TBX15: variants seen among roughly 807,000 people sequenced by gnomAD.
TBX15 encodes the protein T-box transcription factor TBX15.
TBX15 carries 18 observed loss-of-function variants against 53.9 expected under a neutral mutation model. The observed-to-expected ratio is 0.33, with a 90% CI of 0.23 to 0.49. TBX15 has a LOEUF of 0.49. TBX15 is among the 20% of genes least tolerant of loss of function. The probability of loss-of-function intolerance (pLI) is 0.98; values close to 1 mark genes in which losing one functional copy is unlikely to be tolerated. For missense variants in TBX15, 692 were observed against 749.5 expected (o/e 0.92, Z 0.90); for synonymous variants, 295 against 278.0 (o/e 1.06, Z -0.61).
intron 1 of TBX15, among the ~76,000 whole-genome samples, chr1:118,958,779 C>A (rs1015883710): frequency 2.0e-5 from 3 of 152,054 alleles, no homozygotes; most frequent in Non-Finnish European, 4.4e-5. Context: ...CAATTCCTAC[C>A]AACTCTACCC....
intron 1 of TBX15, among the ~76,000 whole-genome samples, chr1:118,958,292 G>A (rs1656757747): frequency 6.6e-6 from 1 of 152,170 alleles, no homozygotes; most frequent in Admixed American, 6.5e-5. Flanking sequence ...AAATCAGGAA[G>A]AGAGCTCTCA....
intron 1 of TBX15, among the ~76,000 whole-genome samples, chr1:118,948,298 C>CT (rs1353960373): frequency 1.3e-5 from 2 of 152,064 alleles, no homozygotes; most frequent in Non-Finnish European, 2.9e-5. Flanking sequence ...GAGAGATTGG[C>CT]TCTATCACAT....
chr1:118,966,038 T>C (rs1383724659), intron 1 of TBX15, among the ~76,000 whole-genome samples: 1 of 152,192 alleles, frequency 6.6e-6, no homozygotes, highest in African/African-American at 2.4e-5. Context: ...TTGGGCTGTT[T>C]GGATTTTTTA....
intron 1 of TBX15, among the ~76,000 whole-genome samples, chr1:118,972,463 A>G (rs1657262376): frequency 6.6e-6 from 1 of 152,230 alleles, no homozygotes; most frequent in Non-Finnish European, 1.5e-5. Context: ...GACAGCAGCA[A>G]TAATGGCATG....
chr1:118,942,969 G>A (rs950284149), intron 1 of TBX15, among the ~76,000 whole-genome samples: 1 of 152,134 alleles, frequency 6.6e-6, no homozygotes, highest in Non-Finnish European at 1.5e-5. Context: ...GTGAAGTGGG[G>A]TTTCCAGAGT....
intron 6 of TBX15, among the ~76,000 whole-genome samples, chr1:118,909,550 TTTGTTGTTG>T (rs35781450): frequency 1.3e-5 from 2 of 151,960 alleles, no homozygotes; most frequent in African/African-American, 4.8e-5. Context: ...ATATCTCTGT[TTTGTTGTTG>T]TTGTTGTTGT....
intron 6 of TBX15, among the ~76,000 whole-genome samples, chr1:118,900,560 C>A (rs747449106): frequency 1.3e-5 from 2 of 151,554 alleles, no homozygotes; most frequent in Non-Finnish European, 3.0e-5. Context: ...TTTAAATACA[C>A]CAATGTTGGC....
At chr1:118,941,460 A>G (rs1300890135) in intron 1 of TBX15, among the ~76,000 whole-genome samples, 5 of 152,178 alleles carry the variant, frequency 3.3e-5, no homozygotes, top group African/African-American at 1.2e-4. Context: ...ATGCCCTTCA[A>G]ATGATCCCAG....
At chr1:118,908,906 C>T (rs567952540) in intron 6 of TBX15, among the ~76,000 whole-genome samples, 30 of 143,674 alleles carry the variant, frequency 2.1e-4, no homozygotes, top group South Asian at 4.5e-4. Context: ...CTTACACATA[C>T]GCACACTCAA....
intron 1 of TBX15, among the ~76,000 whole-genome samples, chr1:118,986,643 C>T (rs768761578): frequency 6.6e-6 from 1 of 152,188 alleles, no homozygotes; most frequent in Non-Finnish European, 1.5e-5. Context: ...GGCTTGTCAG[C>T]GTGTGAAGCG....
At chr1:118,962,042 T>C (rs1294498431) in intron 1 of TBX15, among the ~76,000 whole-genome samples, 1 of 152,236 alleles carries the variant, frequency 6.6e-6, no homozygotes, top group African/African-American at 2.4e-5. Flanking sequence ...AGGATTAACA[T>C]TTATATCATG....
chr1:118,980,674 GA>G (rs1323865204), intron 1 of TBX15, among the ~76,000 whole-genome samples: 1 of 152,180 alleles, frequency 6.6e-6, no homozygotes, highest in Non-Finnish European at 1.5e-5. Context: ...GGAAGAACAT[GA>G]AACCACTTTT....
At chr1:118,977,562 G>C (rs947058841) in intron 1 of TBX15, among the ~76,000 whole-genome samples, 1 of 152,164 alleles carries the variant, frequency 6.6e-6, no homozygotes, top group African/African-American at 2.4e-5. Context: ...GTCTGCACAG[G>C]GGCTGTGCAG....
rs181047240 is a variant in TBX15 at position 118,924,596 on chromosome 1, G to T, written c.693+50C>A. On this transcript the variant is annotated intron_variant, in intron 4 of 7. Transcript: ENST00000369429. Reference sequence around the variant, plus strand: ...AAGACTGGGGCTAGCCAGCTCTAAAGCAAACAGAGGAAGAGAGAAAGAAAG... The same window carrying T: ...AAGACTGGGGCTAGCCAGCTCTAAATCAAACAGAGGAAGAGAGAAAGAAAG... The T allele has an allele frequency of 4.3e-6, 7 of 1,610,580 alleles. No homozygotes were observed. The East Asian group carries it at 1.6e-4, about 36-fold the overall frequency.
At position 118,884,450 on chromosome 1, in the gene TBX15, A is replaced by C; in HGVS notation, c.*282T>G. ...TAACATTATGACGAAGTGATTATTC[A>C]GTCTCTTCAAAGGCCACTCTGGAAC... On this transcript the variant is annotated 3_prime_UTR_variant, in exon 8 of 8. Transcript: ENST00000369429. The C allele has an allele frequency of 2.1e-6, 1 of 483,052 alleles. No individual in the cohort carries two copies. The highest frequency in any genetic ancestry group is 3.8e-6 in the Non-Finnish European group (1 of 266,420). 29.9% of individuals were successfully genotyped at this position (483,052 alleles called of 1,614,324 possible).
At chr1:118,913,496 A>G (rs1655091411) in intron 6 of TBX15, among the ~76,000 whole-genome samples, 1 of 152,198 alleles carries the variant, frequency 6.6e-6, no homozygotes, top group African/African-American at 2.4e-5. Flanking sequence ...ACAGTCTCTA[A>G]GGACATTTAT....
intron 6 of TBX15, among the ~76,000 whole-genome samples, chr1:118,906,017 T>C (rs1654808238): frequency 6.6e-6 from 1 of 152,184 alleles, no homozygotes; most frequent in African/African-American, 2.4e-5. Context: ...TAATACCTCA[T>C]GGTGTTCAGT....
intron 1 of TBX15, among the ~76,000 whole-genome samples, chr1:118,944,616 C>T (rs1468370186): frequency 6.6e-6 from 1 of 152,118 alleles, no homozygotes; most frequent in Non-Finnish European, 1.5e-5. Context: ...GCAGTGTCGC[C>T]GAGACAGCAG....
intron 1 of TBX15, among the ~76,000 whole-genome samples, chr1:118,956,299 T>A (rs1316028338): frequency 6.6e-6 from 1 of 152,166 alleles, no homozygotes; most frequent in Admixed American, 6.5e-5. Context: ...TACTGGATAT[T>A]AGGACAAATG....
Sources: gnomAD v4.1 joint callset for allele counts (sites outside exome capture counted in the v4.1 genomes callset) on GRCh38, gnomAD v4.1.1 for gene constraint, MANE v1.5 for transcripts, NCBI Gene and HGNC (gene_info 2026-07-23, HGNC 2026-07-21) for gene names.